The following ZNF385B variants were observed in gnomAD, a reference collection of about 807,000 sequenced individuals.
ZNF385B encodes zinc finger protein 385B, also known as zinc finger protein 533.
ZNF385B carries 23 observed loss-of-function variants against 39.2 expected under a neutral mutation model. The ratio of observed to expected loss-of-function variants is 0.59; its 90% CI spans 0.42 to 0.83. ZNF385B has a LOEUF of 0.83. ZNF385B is among the 40% of genes least tolerant of loss of function. ZNF385B has a pLI of 0.00. For synonymous variants in ZNF385B, 205 were observed against 222.6 expected (o/e 0.92, Z 0.70); for missense variants, 552 against 598.9 (o/e 0.92, Z 0.82).
At chr2:179,789,873 A>T (rs1705223358) in intron 1 of ZNF385B, among the ~76,000 whole-genome samples, 1 of 152,206 alleles carries the variant, frequency 6.6e-6, no homozygotes, top group South Asian at 2.1e-4. Context: ...AAATAAATAT[A>T]AGAAAAGAGC....
chr2:179,648,477 CAT>C (rs1180497655), intron 3 of ZNF385B, among the ~76,000 whole-genome samples: 6 of 152,078 alleles, frequency 3.9e-5, no homozygotes, highest in South Asian at 2.1e-4. Flanking sequence ...CACATGTGCA[CAT>C]GTTTGTGTAT....
chr2:179,800,731 G>A (rs1007972032), intron 1 of ZNF385B, among the ~76,000 whole-genome samples: 8 of 151,924 alleles, frequency 5.3e-5, no homozygotes, highest in Non-Finnish European at 1.0e-4. Context: ...GAGAGAATAG[G>A]TCAATGAGCC....
At chr2:179,619,306 T>C (rs1690015638) in intron 3 of ZNF385B, among the ~76,000 whole-genome samples, 1 of 152,196 alleles carries the variant, frequency 6.6e-6, no homozygotes, top group African/African-American at 2.4e-5. Context: ...AAGAGAAATA[T>C]ACATATACAG....
chr2:179,633,949 C>A (rs1691481458), intron 3 of ZNF385B, among the ~76,000 whole-genome samples: 1 of 152,110 alleles, frequency 6.6e-6, no homozygotes, highest in Non-Finnish European at 1.5e-5. Context: ...GAAAAACAAG[C>A]AATGGGAAAA....
intron 3 of ZNF385B, among the ~76,000 whole-genome samples, chr2:179,678,030 T>C (rs758382747): frequency 2.0e-5 from 3 of 152,058 alleles, no homozygotes; most frequent in Non-Finnish European, 2.9e-5. Flanking sequence ...TTTTTTTCTA[T>C]CAAGGGGCCA....
intron 3 of ZNF385B, among the ~76,000 whole-genome samples, chr2:179,593,146 G>A (rs1433010495): frequency 6.6e-6 from 1 of 151,910 alleles, no homozygotes; most frequent in East Asian, 1.9e-4. Context: ...AGCAAAACCT[G>A]GATTGAGGGA....
intron 3 of ZNF385B, among the ~76,000 whole-genome samples, chr2:179,651,156 G>A (rs890958648): frequency 6.6e-6 from 1 of 151,260 alleles, no homozygotes; most frequent in South Asian, 2.1e-4. Context: ...TTTTAACCAC[G>A]TAAGGAAAAT....
intron 4 of ZNF385B, among the ~76,000 whole-genome samples, chr2:179,526,277 AT>A (rs1004903445): frequency 3.9e-5 from 6 of 151,970 alleles, no homozygotes; most frequent in African/African-American, 1.4e-4. Context: ...TTGGATTTCA[AT>A]TCAGAAGGCT....
chr2:179,571,128 G>A (rs1685165546), intron 3 of ZNF385B, among the ~76,000 whole-genome samples: 5 of 152,024 alleles, frequency 3.3e-5, no homozygotes, highest in Admixed American at 2.6e-4. Flanking sequence ...ACTGCTTGTG[G>A]GGTCAAGTTC....
intron 7 of ZNF385B, among the ~76,000 whole-genome samples, chr2:179,445,948 G>T (rs562039195): frequency 3.9e-5 from 6 of 152,098 alleles, no homozygotes; most frequent in African/African-American, 1.4e-4. Flanking sequence ...AGGAAATAAA[G>T]ATGACTCATA....
At chr2:179,443,531 G>C (rs2049168389) in intron 9 of ZNF385B, 63 bp from the exon 10 acceptor site, 5 of 1,280,400 alleles carry the variant, frequency 3.9e-6, no homozygotes, top group Non-Finnish European at 5.5e-6. Context: ...AGCACCACAG[G>C]CATCTTTTCA....
intron 3 of ZNF385B, 68 bp downstream of exon 3, chr2:179,769,435 A>G: frequency 6.3e-7 from 1 of 1,588,048 alleles, no homozygotes; most frequent in South Asian, 1.1e-5. Context: ...CTTGTTCTAA[A>G]TCCTTCATTT....
chr2:179,680,247 T>A (rs1167072074), intron 3 of ZNF385B, among the ~76,000 whole-genome samples: 6 of 152,132 alleles, frequency 3.9e-5, no homozygotes. Context: ...AAACTATAAA[T>A]AAAATGGAAC....
intron 3 of ZNF385B, among the ~76,000 whole-genome samples, chr2:179,640,974 T>C (rs940234030): frequency 6.6e-6 from 1 of 152,180 alleles, no homozygotes; most frequent in African/African-American, 2.4e-5. Flanking sequence ...AAAAGAGTTA[T>C]TTTCCCTTAA....
intron 3 of ZNF385B, among the ~76,000 whole-genome samples, chr2:179,649,829 G>C (rs1293124338): frequency 6.6e-6 from 1 of 151,830 alleles, no homozygotes; most frequent in African/African-American, 2.4e-5. Context: ...AGATTCTTAA[G>C]TTTTACCATG....
At chr2:179,758,443 C>T (rs755679208) in intron 3 of ZNF385B, among the ~76,000 whole-genome samples, 4 of 152,190 alleles carry the variant, frequency 2.6e-5, no homozygotes, top group Admixed American at 6.5e-5. Context: ...ATCTTGAAGC[C>T]TCTTTTATAA....
intron 3 of ZNF385B, among the ~76,000 whole-genome samples, chr2:179,737,240 C>T (rs1701819635): frequency 6.6e-6 from 1 of 152,238 alleles, no homozygotes; most frequent in East Asian, 1.9e-4. Context: ...GAGTCACTTA[C>T]CTTTTTGATG....
At chr2:179,492,786 T>C (rs983950378) in intron 5 of ZNF385B, among the ~76,000 whole-genome samples, 5 of 152,238 alleles carry the variant, frequency 3.3e-5, no homozygotes, top group Admixed American at 2.6e-4. Flanking sequence ...AAGTGGAATA[T>C]GTAAATGTGA....
At chr2:179,480,241 T>G (rs564945349) in intron 6 of ZNF385B, among the ~76,000 whole-genome samples, 1 of 152,208 alleles carries the variant, frequency 6.6e-6, no homozygotes, top group African/African-American at 2.4e-5. Flanking sequence ...CCCATGAGAT[T>G]TGCAAGTGAG....
Sources: gnomAD v4.1 joint callset for allele counts (sites outside exome capture counted in the v4.1 genomes callset) on GRCh38, gnomAD v4.1.1 for gene constraint, MANE v1.5 for transcripts, NCBI Gene and HGNC (gene_info 2026-07-23, HGNC 2026-07-21) for gene names.